Variants in GRM5 observed in about 807,000 individuals in gnomAD.
GRM5 encodes glutamate metabotropic receptor 5.
A neutral mutation model predicts 83.1 loss-of-function variants in GRM5; 19 were observed. That is an observed-to-expected ratio of 0.23 (90% CI 0.16 to 0.34). The LOEUF (loss-of-function observed/expected upper bound fraction) is 0.34, where lower values mean the gene tolerates loss of function less well. Ranked by LOEUF, GRM5 falls within the 10% of genes least tolerant of loss-of-function variation. The pLI, the probability that GRM5 is intolerant of heterozygous loss-of-function variation, is 1.00. For missense variants in GRM5, 1,160 were observed against 1,588.3 expected (o/e 0.73, Z 4.58); for synonymous variants, 675 against 633.6 (o/e 1.07, Z -0.98).
intron 2 of GRM5, among the ~76,000 whole-genome samples, chr11:89,001,594 T>C (rs542626002): frequency 7.9e-5 from 12 of 152,042 alleles, no homozygotes; most frequent in African/African-American, 2.9e-4. Flanking sequence ...ACATGAAGGA[T>C]CTTTGTGGTG....
At chr11:88,720,117 T>C (rs1941499556) in intron 3 of GRM5, among the ~76,000 whole-genome samples, 1 of 152,052 alleles carries the variant, frequency 6.6e-6, no homozygotes, top group South Asian at 2.1e-4. Context: ...GAACCTGGCA[T>C]TTAGGAGGTA....
rs1259492601 is a variant in GRM5, at chr11:88,783,763, T to TA, written c.911+66142dup. On this transcript the variant is annotated intron_variant, in intron 3 of 9. Coordinates refer to ENST00000305447, the MANE Select transcript of GRM5 (RefSeq NM_001143831.3). ...GGCACTTCTGTGTCTTACTTTTTTGTATGCACTTAGAAAACATCTTAGCAT... is the reference window on the plus strand; with the variant it reads ...GGCACTTCTGTGTCTTACTTTTTTGTAATGCACTTAGAAAACATCTTAGCAT... 2.0e-5 allele frequency among the ~76,000 whole-genome samples: 3 copies of TA among 152,162 alleles called. No individual in the cohort carries two copies. In the East Asian group the frequency reaches 5.8e-4, roughly 29 times the overall value.
chr11:88,858,821 G>A (rs1208399195), intron 2 of GRM5, among the ~76,000 whole-genome samples: 1 of 151,976 alleles, frequency 6.6e-6, no homozygotes, highest in African/African-American at 2.4e-5. Context: ...TGCCAAGTAG[G>A]AAATTAAATA....
At chr11:88,787,992 A>G (rs1369878393) in intron 3 of GRM5, among the ~76,000 whole-genome samples, 4 of 152,090 alleles carry the variant, frequency 2.6e-5, no homozygotes, top group African/African-American at 9.7e-5. Flanking sequence ...AAGGGAAGAT[A>G]TTTTACTGTA....
chr11:88,774,379 A>G (rs1053739221), intron 3 of GRM5, among the ~76,000 whole-genome samples: 1 of 152,182 alleles, frequency 6.6e-6, no homozygotes, highest in African/African-American at 2.4e-5. Flanking sequence ...TAAACATACA[A>G]TCATGTCATC....
intron 3 of GRM5, among the ~76,000 whole-genome samples, chr11:88,665,162 T>TACACACACACACACATACAC (rs1554990145): frequency 2.8e-5 from 4 of 140,910 alleles, no homozygotes; most frequent in Admixed American, 7.0e-5. Context: ...TTAATTTATT[T>TACACACACACACACATACAC]ACACACACAC....
chr11:88,617,728 C>A (rs941894256), intron 4 of GRM5, among the ~76,000 whole-genome samples: 1 of 152,054 alleles, frequency 6.6e-6, no homozygotes, highest in African/African-American at 2.4e-5. Context: ...CAACAGTGTG[C>A]GGGGGAAAAT....
chr11:88,980,339 G>A (rs1036054873), intron 2 of GRM5, among the ~76,000 whole-genome samples: 1 of 152,158 alleles, frequency 6.6e-6, no homozygotes, highest in Non-Finnish European at 1.5e-5. Flanking sequence ...GAAATTAAGA[G>A]AGTCCTAAGT....
At chr11:88,838,753 C>T (rs1944139077) in intron 3 of GRM5, among the ~76,000 whole-genome samples, 1 of 152,068 alleles carries the variant, frequency 6.6e-6, no homozygotes, top group South Asian at 2.1e-4. Flanking sequence ...TTGTTTATAA[C>T]AGATGGAGTA....
intron 3 of GRM5, among the ~76,000 whole-genome samples, chr11:88,673,864 T>C: frequency 6.8e-6 from 1 of 146,650 alleles, no homozygotes; most frequent in East Asian, 2.0e-4. Flanking sequence ...TATCTGTAAT[T>C]TCAGATCAGG....
intron 3 of GRM5, among the ~76,000 whole-genome samples, chr11:88,794,115 ATAAT>A (rs1277559213): frequency 2.0e-5 from 3 of 152,118 alleles, no homozygotes; most frequent in Non-Finnish European, 4.4e-5. Context: ...AAGGTGAGAG[ATAAT>A]TAATATAATG....
intron 2 of GRM5, among the ~76,000 whole-genome samples, chr11:89,025,460 T>C (rs1229113524): frequency 6.6e-6 from 1 of 152,196 alleles, no homozygotes; most frequent in Non-Finnish European, 1.5e-5. Flanking sequence ...CTACACTCTT[T>C]AATTATAAAG....
intron 3 of GRM5, among the ~76,000 whole-genome samples, chr11:88,742,766 G>A (rs1942054947): frequency 6.6e-6 from 1 of 152,034 alleles, no homozygotes. Flanking sequence ...GAATCTGTGG[G>A]TGTAAGGAAT....
At chr11:88,740,734 G>A (rs1942010597) in intron 3 of GRM5, among the ~76,000 whole-genome samples, 1 of 151,996 alleles carries the variant, frequency 6.6e-6, no homozygotes, top group South Asian at 2.1e-4. Flanking sequence ...CTCATCATTA[G>A]CACATCTTCA....
At chr11:88,970,242 T>A (rs1443863064) in intron 2 of GRM5, among the ~76,000 whole-genome samples, 7 of 152,144 alleles carry the variant, frequency 4.6e-5, no homozygotes, top group Admixed American at 6.6e-5. Context: ...TGGATGCTTT[T>A]TTCTCACCTA....
chr11:88,990,045 A>C (rs556358164), intron 2 of GRM5, among the ~76,000 whole-genome samples: 1 of 151,752 alleles, frequency 6.6e-6, no homozygotes, highest in East Asian at 1.9e-4. Flanking sequence ...GACACAAAAA[A>C]CTCTTCAAAA....
At chr11:88,924,214 T>C (rs2135633906) in intron 2 of GRM5, among the ~76,000 whole-genome samples, 1 of 149,436 alleles carries the variant, frequency 6.7e-6, no homozygotes, top group South Asian at 2.1e-4. Flanking sequence ...TCTGAGAATG[T>C]AAATTGGTAC....
At position 88,604,977 on chromosome 11, in the gene GRM5, A is replaced by C. The variant is rs771504342; in HGVS notation, c.1148-13T>G. 1.9e-6 allele frequency: 3 copies of C among 1,607,028 alleles called. No individual in the cohort carries two copies. The highest frequency in any genetic ancestry group is 2.6e-6 in the Non-Finnish European group (3 of 1,174,244). On this transcript the variant is annotated splice_polypyrimidine_tract_variant and intron_variant, in intron 4 of 9. Transcript: ENST00000305447. ...AGAGTCAGAGAACCTGTTGGGAAAC[A>C]AATTAAGCATAGCTTTGAGGTACAA...
intron 3 of GRM5, among the ~76,000 whole-genome samples, chr11:88,804,578 C>T (rs1943464185): frequency 6.6e-6 from 1 of 151,662 alleles, no homozygotes; most frequent in Admixed American, 6.6e-5. Flanking sequence ...GTAGTTATAC[C>T]TAATGCTAAA....
Sources: allele counts gnomAD v4.1 joint callset (sites outside exome capture counted in the v4.1 genomes callset), GRCh38; gene constraint gnomAD v4.1.1; transcripts MANE v1.5; gene names NCBI Gene and HGNC (gene_info 2026-07-23, HGNC 2026-07-21).